Variants in THSD4 observed in about 807,000 individuals in gnomAD.
THSD4 encodes the protein thrombospondin type-1 domain-containing protein 4.
Under a neutral mutation model 119.0 loss-of-function variants are expected in THSD4, and 69 were observed. The observed-to-expected ratio is 0.58, with a 90% CI of 0.48 to 0.71. The LOEUF (loss-of-function observed/expected upper bound fraction) is 0.71. Among genes scored for constraint, THSD4 ranks in the 30% least tolerant of loss-of-function variants. The pLI, the probability that THSD4 is intolerant of heterozygous loss-of-function variation, is 0.00. For missense variants in THSD4, 1,393 were observed against 1,391.1 expected, an observed-to-expected ratio of 1.00 and a Z score of -0.02; for synonymous variants, 524 against 540.4, an observed-to-expected ratio of 0.97 and a Z score of 0.42.
chr15:71,462,503 A>G (rs1432087284), intron 7 of THSD4, among the ~76,000 whole-genome samples: 2 of 152,230 alleles, frequency 1.3e-5, no homozygotes, highest in Non-Finnish European at 2.9e-5. Context: ...CACTTAAGAC[A>G]TGAAAGATGA....
chr15:71,692,391 A>G (rs751440727), intron 8 of THSD4, among the ~76,000 whole-genome samples: 4 of 152,208 alleles, frequency 2.6e-5, no homozygotes, highest in Non-Finnish European at 5.9e-5. Context: ...TGCCAAGGTG[A>G]TTTAGCCAGA....
rs763292075 is a variant in THSD4 at position 71,375,677 on chromosome 15, C to CA, written c.1016-36008dup. The stretch of plus-strand genomic sequence containing the variant: ...CCAGCCTTGAAAGATAAGTTAAGAA[C>CA]AAGAGGAGAGAGGATGTGGTTTTAT... On this transcript the variant is annotated intron_variant, in intron 6 of 17. Transcript: ENST00000261862. Among the ~76,000 whole-genome samples, 14 of 152,082 alleles carry CA rather than the reference C, an allele frequency of 9.2e-5. 1 individual carries two copies. Among genetic ancestry groups the CA allele is most frequent in the Non-Finnish European group, 1.9e-4 (13 of 68,026 alleles).
At chr15:71,275,885 T>C (rs953990940) in intron 6 of THSD4, among the ~76,000 whole-genome samples, 2 of 152,154 alleles carry the variant, frequency 1.3e-5, no homozygotes, top group African/African-American at 4.8e-5. Flanking sequence ...TGATTCTAAG[T>C]TTTCTGAGGC....
chr15:71,498,998 C>G (rs1250753942), intron 7 of THSD4, among the ~76,000 whole-genome samples: 2 of 152,060 alleles, frequency 1.3e-5, no homozygotes, highest in East Asian at 3.9e-4. Flanking sequence ...AGCCGCCACA[C>G]CCGGCACAGG....
intron 3 of THSD4, among the ~76,000 whole-genome samples, chr15:71,188,302 G>C (rs2043632884): frequency 1.3e-5 from 2 of 152,114 alleles, no homozygotes; most frequent in South Asian, 4.2e-4. Context: ...GGCTGGCGAA[G>C]GTGTGGGAGC....
At chr15:71,317,151 C>T (rs1476032454) in intron 6 of THSD4, among the ~76,000 whole-genome samples, 2 of 152,306 alleles carry the variant, frequency 1.3e-5, no homozygotes, top group African/African-American at 2.4e-5. Context: ...ACTAAGCCTC[C>T]ACTCCCTTAA....
At chr15:71,097,872 T>A (rs1054009684) in intron 1 of THSD4, among the ~76,000 whole-genome samples, 4 of 152,016 alleles carry the variant, frequency 2.6e-5, no homozygotes, top group African/African-American at 4.8e-5. Flanking sequence ...GAGGCAAGTT[T>A]TTTGCCAAAA....
At chr15:71,239,814 G>T (rs932882741) in intron 4 of THSD4, among the ~76,000 whole-genome samples, 1 of 152,216 alleles carries the variant, frequency 6.6e-6, no homozygotes, top group Non-Finnish European at 1.5e-5. Flanking sequence ...ACTCTGTCCT[G>T]TTGGAGAAGA....
chr15:71,699,826 G>T (rs1481605168), intron 8 of THSD4, among the ~76,000 whole-genome samples: 2 of 151,934 alleles, frequency 1.3e-5, no homozygotes, highest in Admixed American at 1.3e-4. Flanking sequence ...TAAAAAGGTC[G>T]GTTCATTTTA....
intron 14 of THSD4, among the ~76,000 whole-genome samples, chr15:71,755,304 C>T (rs961327302): frequency 1.3e-5 from 2 of 152,150 alleles, no homozygotes; most frequent in African/African-American, 2.4e-5. Context: ...AATGTTTGAT[C>T]GCTCATGCTG....
chr15:71,744,147 CTTTTTTTTTTTT>C lies in THSD4; in HGVS notation c.1907-946_1907-935del, dbSNP rs56158827. On this transcript the variant is annotated intron_variant, in intron 11 of 17. Coordinates refer to ENST00000261862, the MANE Select transcript of THSD4 (RefSeq NM_024817.3). ...AGAAAGGAAGGCAGAATTGAATCAGCTTTTTTTTTTTTTTTTTTTTTTTTAATTGACACCTAG... is the reference window on the plus strand; with the variant it reads ...AGAAAGGAAGGCAGAATTGAATCAGCTTTTTTTTTTTTAATTGACACCTAG... Among the ~76,000 whole-genome samples, 644 of 102,772 alleles carry C rather than the reference CTTTTTTTTTTTT, an allele frequency of 6.3e-3. 3 individuals carry two copies. Among genetic ancestry groups the C allele is most frequent in the Admixed American group, 0.026 (256 of 9,824 alleles). 67.4% of individuals were successfully genotyped at this position (102,772 alleles called of 152,430 possible).
chr15:71,418,946 C>T (rs759499126), intron 7 of THSD4, among the ~76,000 whole-genome samples: 1 of 107,324 alleles, frequency 9.3e-6, no homozygotes, highest in African/African-American at 3.2e-5. Flanking sequence ...CTACATTTTC[C>T]GGTTTATTGA....
chr15:71,663,877 T>C (rs1157642442), intron 8 of THSD4, among the ~76,000 whole-genome samples: 1 of 152,218 alleles, frequency 6.6e-6, no homozygotes, highest in Non-Finnish European at 1.5e-5. Flanking sequence ...AAAATTTGAC[T>C]TGATACACAA....
chr15:71,332,891 C>CTTTTTTTTTTTTTTTTTTTTT lies in THSD4; in HGVS notation c.1015+76176_1015+76177insTTTTTTTTTTTTTTTTTTTTT, dbSNP rs1184457820. ...TTCTTAAAACATTGAGATTTTTTTACATTTTTTTTTTTTTTTTAGTTCATC... is the reference window on the plus strand; with the variant it reads ...TTCTTAAAACATTGAGATTTTTTTACTTTTTTTTTTTTTTTTTTTTTATTTTTTTTTTTTTTTTAGTTCATC... On this transcript the variant is annotated intron_variant, in intron 6 of 17. Transcript: ENST00000261862. Among the ~76,000 whole-genome samples, 336 of 37,938 alleles carry CTTTTTTTTTTTTTTTTTTTTT rather than the reference C, an allele frequency of 8.9e-3. 21 individuals carry two copies. The highest frequency in any genetic ancestry group is 0.025 in the Middle Eastern group (2 of 80). 24.9% of individuals were successfully genotyped at this position (37,938 alleles called of 152,430 possible).
chr15:71,638,926 G>T (rs1207587248), intron 7 of THSD4, among the ~76,000 whole-genome samples: 3 of 152,176 alleles, frequency 2.0e-5, no homozygotes, highest in Admixed American at 2.0e-4. Flanking sequence ...GACCCAGGTT[G>T]TTGGAAGCTC....
chr15:71,589,007 G>A (rs1475521581), intron 7 of THSD4, among the ~76,000 whole-genome samples: 1 of 152,190 alleles, frequency 6.6e-6, no homozygotes. Context: ...GGAATTTGCT[G>A]TGGGATGTTA....
Position 71,256,505 on chromosome 15 carries a change from A to G in THSD4, c.913-108A>G, listed in dbSNP as rs2044318718. ...AAAAAAAAATAAATAAATAAAGAAT[A>G]AAAATAAAAAATAAATAAAGTTGGA... On this transcript the variant is annotated intron_variant, in intron 5 of 17. Coordinates refer to ENST00000261862, the MANE Select transcript of THSD4 (RefSeq NM_024817.3). 9.8e-6 allele frequency: 7 copies of G among 713,334 alleles called. No individual in the cohort carries two copies. The South Asian group carries it at 2.6e-4, about 26-fold the overall frequency. 44.2% of individuals were successfully genotyped at this position (713,334 alleles called of 1,614,324 possible).
At chr15:71,660,028 C>T (rs1371943566) in intron 7 of THSD4, among the ~76,000 whole-genome samples, 3 of 136,782 alleles carry the variant, frequency 2.2e-5, no homozygotes, top group Non-Finnish European at 3.2e-5. Context: ...CCACAGTTAC[C>T]AGTTAGAGGT....
At chr15:71,715,524 T>C (rs1216823012) in intron 8 of THSD4, among the ~76,000 whole-genome samples, 1 of 152,154 alleles carries the variant, frequency 6.6e-6, no homozygotes, top group African/African-American at 2.4e-5. Flanking sequence ...AGAAATGGAA[T>C]TTAGTTGTGT....
Sources: gnomAD v4.1 joint callset for allele counts (sites outside exome capture counted in the v4.1 genomes callset) on GRCh38, gnomAD v4.1.1 for gene constraint, MANE v1.5 for transcripts, NCBI Gene and HGNC (gene_info 2026-07-23, HGNC 2026-07-21) for gene names.